FMN1: variants seen among roughly 807,000 people sequenced by gnomAD.
FMN1 encodes formin-1.
FMN1 carries 110 observed loss-of-function variants against 132.4 expected under a neutral mutation model. That is an observed-to-expected ratio of 0.83 (90% CI 0.71 to 0.97). FMN1 has a LOEUF of 0.97. Ranked by LOEUF, FMN1 falls within the 50% of genes least tolerant of loss-of-function variation. FMN1 has a pLI of 0.00. For missense variants in FMN1, 1,792 were observed against 1,705.3 expected, an observed-to-expected ratio of 1.05 and a Z score of -0.90; for synonymous variants, 722 against 651.7, an observed-to-expected ratio of 1.11 and a Z score of -1.64.
chr15:32,916,029 C>G (rs1315729148), intron 10 of FMN1, among the ~76,000 whole-genome samples: 1 of 152,198 alleles, frequency 6.6e-6, no homozygotes, highest in Non-Finnish European at 1.5e-5. Context: ...GGTGCCTGCT[C>G]TGTACCACAA....
At chr15:33,191,382 A>T (rs923385441) in intron 2 of FMN1, among the ~76,000 whole-genome samples, 1 of 152,192 alleles carries the variant, frequency 6.6e-6, no homozygotes, top group African/African-American at 2.4e-5. Flanking sequence ...TGTGTTGGTT[A>T]AAGAAAAAAA....
At chr15:33,083,319 G>T (rs2038559702) in intron 5 of FMN1, among the ~76,000 whole-genome samples, 1 of 152,106 alleles carries the variant, frequency 6.6e-6, no homozygotes, top group Non-Finnish European at 1.5e-5. Flanking sequence ...CAATATTGGT[G>T]AAAGGGGCAT....
chr15:32,775,308 A>G (rs573700020), intron 20 of FMN1, among the ~76,000 whole-genome samples: 18 of 151,922 alleles, frequency 1.2e-4, no homozygotes, highest in African/African-American at 4.1e-4. Flanking sequence ...CCTGATTTCC[A>G]CCCACCCACC....
chr15:33,118,085 T>C (rs934380108), intron 4 of FMN1, among the ~76,000 whole-genome samples: 1 of 152,204 alleles, frequency 6.6e-6, no homozygotes, highest in South Asian at 2.1e-4. Context: ...AGAAATCACA[T>C]GAATTCTGAG....
intron 6 of FMN1, chr15:33,063,476 GC>G (rs994854113): frequency 2.0e-5 from 3 of 152,152 alleles, no homozygotes; most frequent in African/African-American, 7.2e-5. Flanking sequence ...CTTGGTACTG[GC>G]CCCAGAGTAG....
intron 3 of FMN1, among the ~76,000 whole-genome samples, chr15:33,165,557 A>AT (rs560572974): frequency 6.6e-6 from 1 of 151,870 alleles, no homozygotes; most frequent in African/African-American, 2.4e-5. Context: ...CGCCCGGCTA[A>AT]TTTTTTTGTA....
In FMN1 at chr15:32,911,807, G is replaced by A. The variant is rs146906010; in HGVS notation, c.3227-1272C>T. 4.0e-3 allele frequency among the ~76,000 whole-genome samples: 600 copies of A among 151,844 alleles called. 3 individuals carry two copies. Among genetic ancestry groups the A allele is most frequent in the African/African-American group, 0.014 (586 of 41,402 alleles). On this transcript the variant is annotated intron_variant, in intron 10 of 20. Transcript: ENST00000616417. ...CACCTCAGATTCCACCAAGACAAAG[G>A]AACATCACACATCCACAAAGGCCAA... is the stretch of plus-strand genomic sequence containing the variant.
intron 3 of FMN1, among the ~76,000 whole-genome samples, chr15:33,156,081 TA>T (rs1172318959): frequency 1.3e-5 from 2 of 152,212 alleles, no homozygotes; most frequent in Non-Finnish European, 2.9e-5. Flanking sequence ...GCAAAAAAGC[TA>T]CATAAAAGTA....
chr15:33,075,405 CAGA>C (rs1477635895), intron 5 of FMN1, among the ~76,000 whole-genome samples: 1 of 152,122 alleles, frequency 6.6e-6, no homozygotes, highest in Non-Finnish European at 1.5e-5. Flanking sequence ...TGCACTTGGG[CAGA>C]AGGACTACAT....
In FMN1 at chr15:33,153,810, C is replaced by T. The variant is rs532741420; in HGVS notation, c.1105G>A (p.Asp369Asn). The stretch of plus-strand genomic sequence containing the variant: ...TCAGCTCCCGGGAGGGTGAGCAAGT[C>T]GGCTTTGGGTACAAACTCAGCGTGG... ...AAHAEFVPKADLLTLPGAEAG... is the reference protein window; with the variant it reads ...AAHAEFVPKANLLTLPGAEAG... The change falls in exon 4 of 21, where the codon GAC becomes AAC. Residue 369 changes from aspartate to asparagine, a missense_variant. Asp to Asn is a conservative substitution (Grantham distance 23, BLOSUM62 1). This residue lies in a region of FMN1 where 638 missense variants were observed against 645.2 expected (regional missense o/e 0.99). Coordinates refer to ENST00000616417, the MANE Select transcript of FMN1 (RefSeq NM_001277313.2). The T allele has an allele frequency of 2.6e-6, 4 of 1,536,384 alleles. No individual in the cohort carries two copies. The highest frequency in any genetic ancestry group is 2.0e-5 in the Admixed American group (1 of 51,006).
chr15:32,978,621 T>C (rs1337139993), intron 7 of FMN1, among the ~76,000 whole-genome samples: 1 of 152,188 alleles, frequency 6.6e-6, no homozygotes, highest in East Asian at 1.9e-4. Flanking sequence ...CAATGAGGCA[T>C]TACACATTCT....
chr15:32,809,951 G>C (rs1301923836), intron 17 of FMN1, among the ~76,000 whole-genome samples: 1 of 151,518 alleles, frequency 6.6e-6, no homozygotes, highest in African/African-American at 2.4e-5. Context: ...ACAGGGTCTT[G>C]TTCTTTCACC....
At position 32,772,141 on chromosome 15, in the gene FMN1, T is replaced by C. The variant is rs1272370042; in HGVS notation, c.*2169A>G. ...AGGATGAAATCCAAAGTGGGCTGTATTTGTCTAACTCTCAAATTAAGTGTT... is the reference window on the plus strand; with the variant it reads ...AGGATGAAATCCAAAGTGGGCTGTACTTGTCTAACTCTCAAATTAAGTGTT... On this transcript the variant is annotated 3_prime_UTR_variant, in exon 21 of 21. Transcript: ENST00000616417. The C allele has an allele frequency of 5.3e-5, 8 of 152,220 alleles. No individual in the cohort carries two copies. Among genetic ancestry groups the C allele is most frequent in the Non-Finnish European group, 1.0e-4 (7 of 68,040 alleles). The allele number at this position is 152,220 out of a possible 1,614,324, so 9.4% of individuals were successfully genotyped here. A position where few individuals can be genotyped will look rare whatever the true frequency, so the allele number is the denominator to read the frequency against.
At chr15:32,868,608 C>T (rs1596130528) in intron 16 of FMN1, among the ~76,000 whole-genome samples, 2 of 152,064 alleles carry the variant, frequency 1.3e-5, no homozygotes, top group Admixed American at 6.6e-5. Flanking sequence ...GCACATACAC[C>T]GACACGTGAA....
At chr15:33,098,912 A>G (rs547797021) in intron 4 of FMN1, among the ~76,000 whole-genome samples, 1 of 152,196 alleles carries the variant, frequency 6.6e-6, no homozygotes, top group East Asian at 1.9e-4. Context: ...TCACAAGCCC[A>G]TGCTTGTTTT....
At chr15:32,952,290 C>T (rs1368927153) in intron 9 of FMN1, among the ~76,000 whole-genome samples, 1 of 152,214 alleles carries the variant, frequency 6.6e-6, no homozygotes, top group African/African-American at 2.4e-5. Flanking sequence ...TCACATTCTT[C>T]TCCAAGCAAC....
chr15:32,953,512 C>A (rs557059118), intron 9 of FMN1, among the ~76,000 whole-genome samples: 5 of 152,242 alleles, frequency 3.3e-5, no homozygotes, highest in Admixed American at 6.5e-5. Flanking sequence ...TGCAAATTAG[C>A]CTCAGCTGGA....
intron 16 of FMN1, among the ~76,000 whole-genome samples, chr15:32,857,997 T>C (rs1028763253): frequency 3.3e-5 from 5 of 152,220 alleles, no homozygotes; most frequent in African/African-American, 4.8e-5. Context: ...CTGTTGACCA[T>C]GGCTGGAAAT....
intron 10 of FMN1, among the ~76,000 whole-genome samples, chr15:32,920,910 C>G (rs2060804579): frequency 2.0e-5 from 3 of 152,220 alleles, no homozygotes; most frequent in Admixed American, 6.5e-5. Flanking sequence ...TGAACAAACA[C>G]AATCCCTTCT....
Sources: allele counts gnomAD v4.1 joint callset (sites outside exome capture counted in the v4.1 genomes callset), GRCh38; gene constraint gnomAD v4.1.1; regional missense constraint gnomAD v4.1.1; transcripts MANE v1.5; gene names NCBI Gene and HGNC (gene_info 2026-07-23, HGNC 2026-07-21).